Variants in NXPH1 observed in about 807,000 individuals in gnomAD.
The protein encoded by NXPH1 is neurexophilin 1.
A neutral mutation model predicts 23.7 loss-of-function variants in NXPH1; 5 were observed. The ratio of observed to expected loss-of-function variants is 0.21; its 90% CI spans 0.11 to 0.44. The LOEUF (loss-of-function observed/expected upper bound fraction) is 0.44. NXPH1 is among the 20% of genes least tolerant of loss of function. The pLI is 0.99. For synonymous variants in NXPH1, 144 were observed against 122.2 expected, an observed-to-expected ratio of 1.18 and a Z score of -1.18; for missense variants, 324 against 321.6, an observed-to-expected ratio of 1.01 and a Z score of -0.06.
chr7:8,724,222 C>T lies in NXPH1; in HGVS notation c.55-26786C>T, dbSNP rs141033444. Among the ~76,000 whole-genome samples, 5 of 152,256 alleles carry T rather than the reference C, an allele frequency of 3.3e-5. No homozygotes were observed. The East Asian group carries it at 9.7e-4, about 29-fold the overall frequency. On this transcript the variant is annotated intron_variant, in intron 2 of 2. Coordinates refer to ENST00000405863, the MANE Select transcript of NXPH1 (RefSeq NM_152745.3). ...TCCTGTCCATCTTTTTTCAAAGAGA[C>T]CTGGGACCCTTAGTGACACAATCCT...
chr7:8,451,918 G>A (rs1321169896), intron 2 of NXPH1, among the ~76,000 whole-genome samples: 1 of 152,200 alleles, frequency 6.6e-6, no homozygotes, highest in Non-Finnish European at 1.5e-5. Flanking sequence ...GGACTTGGGT[G>A]CATAGGGTTC....
intron 2 of NXPH1, among the ~76,000 whole-genome samples, chr7:8,716,887 C>T (rs1429904290): frequency 6.6e-6 from 1 of 152,188 alleles, no homozygotes; most frequent in African/African-American, 2.4e-5. Context: ...GTCTCTGGCC[C>T]TTCCCCCAGG....
chr7:8,745,821 C>T (rs1780461059), intron 2 of NXPH1, among the ~76,000 whole-genome samples: 1 of 148,988 alleles, frequency 6.7e-6, no homozygotes, highest in African/African-American at 2.5e-5. Flanking sequence ...CCTGCCTTGG[C>T]CTCCCAAAGT....
At chr7:8,573,252 A>G (rs1249131880) in intron 2 of NXPH1, among the ~76,000 whole-genome samples, 1 of 152,098 alleles carries the variant, frequency 6.6e-6, no homozygotes, top group African/African-American at 2.4e-5. Context: ...GATTTTCAAT[A>G]TAATTGTCTA....
rs1258697207 is a variant in NXPH1 at position 8,710,336 on chromosome 7, G to C, written c.55-40672G>C. ...GTCTCCAGGCAGCTGGGGCAAATGG[G>C]CCTCCTTGCCTATCTGGAAATCTTG... On this transcript the variant is annotated intron_variant, in intron 2 of 2. Transcript: ENST00000405863. 2.6e-5 allele frequency among the ~76,000 whole-genome samples: 4 copies of C among 152,292 alleles called. No homozygotes were observed. In the East Asian group the frequency reaches 7.7e-4, roughly 29 times the overall value.
At chr7:8,714,616 G>A (rs1779848715) in intron 2 of NXPH1, among the ~76,000 whole-genome samples, 2 of 152,144 alleles carry the variant, frequency 1.3e-5, no homozygotes, top group South Asian at 4.1e-4. Context: ...GGTTACTGCT[G>A]CTGGTTATTC....
At chr7:8,622,414 C>G (rs779709330) in intron 2 of NXPH1, among the ~76,000 whole-genome samples, 2 of 152,098 alleles carry the variant, frequency 1.3e-5, no homozygotes, top group Non-Finnish European at 2.9e-5. Flanking sequence ...AAGTCTAGTT[C>G]TTTCCCAACT....
At chr7:8,509,045 G>A (rs1191770707) in intron 2 of NXPH1, among the ~76,000 whole-genome samples, 1 of 152,050 alleles carries the variant, frequency 6.6e-6, no homozygotes, top group African/African-American at 2.4e-5. Flanking sequence ...GACCAAATTT[G>A]TCTGAAGGAG....
chr7:8,614,144 G>A (rs887550473), intron 2 of NXPH1, among the ~76,000 whole-genome samples: 8 of 151,726 alleles, frequency 5.3e-5, no homozygotes, highest in Non-Finnish European at 7.4e-5. Context: ...GTATTTCCGT[G>A]GATGTGCCAT....
chr7:8,518,252 T>A (rs896485274), intron 2 of NXPH1, among the ~76,000 whole-genome samples: 2 of 152,156 alleles, frequency 1.3e-5, no homozygotes, highest in African/African-American at 2.4e-5. Context: ...TTTTGCATTA[T>A]TCCTACCTGG....
At chr7:8,700,339 A>G (rs535263064) in intron 2 of NXPH1, among the ~76,000 whole-genome samples, 2 of 152,126 alleles carry the variant, frequency 1.3e-5, no homozygotes, top group Non-Finnish European at 2.9e-5. Flanking sequence ...AAATTAAATC[A>G]GGCTTCATTT....
intron 2 of NXPH1, among the ~76,000 whole-genome samples, chr7:8,543,401 A>G (rs1048060073): frequency 6.6e-6 from 1 of 151,642 alleles, no homozygotes; most frequent in African/African-American, 2.4e-5. Context: ...GATAATTACG[A>G]CTAAAGCAAT....
intron 2 of NXPH1, among the ~76,000 whole-genome samples, chr7:8,738,299 TG>T (rs1375903383): frequency 6.6e-6 from 1 of 152,226 alleles, no homozygotes; most frequent in Admixed American, 6.5e-5. Flanking sequence ...GACCTTTGGA[TG>T]GGGTTTCTGT....
chr7:8,461,238 A>G (rs1320395388), intron 2 of NXPH1, among the ~76,000 whole-genome samples: 2 of 152,134 alleles, frequency 1.3e-5, no homozygotes, highest in Non-Finnish European at 2.9e-5. Flanking sequence ...GTCACATTAC[A>G]TGGTTAGGAA....
intron 2 of NXPH1, among the ~76,000 whole-genome samples, chr7:8,475,709 T>C (rs1584180703): frequency 1.3e-5 from 2 of 152,170 alleles, no homozygotes; most frequent in Admixed American, 1.3e-4. Flanking sequence ...TGTTTTCTAA[T>C]TTTTAAAATC....
At chr7:8,553,101 G>A (rs1268618404) in intron 2 of NXPH1, among the ~76,000 whole-genome samples, 1 of 151,546 alleles carries the variant, frequency 6.6e-6, no homozygotes, top group African/African-American at 2.4e-5. Context: ...AGAATGAAAA[G>A]CAGTTTTTAG....
chr7:8,583,152 C>A (rs915056877), intron 2 of NXPH1, among the ~76,000 whole-genome samples: 5 of 152,224 alleles, frequency 3.3e-5, no homozygotes, highest in African/African-American at 1.2e-4. Context: ...TTCTTGCCCA[C>A]AAGGATATAA....
At chr7:8,598,417 G>A (rs76070802) in intron 2 of NXPH1, among the ~76,000 whole-genome samples, 9,855 of 152,110 alleles carry the variant, frequency 0.065, 473 homozygotes, top group East Asian at 0.19. Context: ...ACATAGACCT[G>A]GTTCCCTTCC....
intron 2 of NXPH1, among the ~76,000 whole-genome samples, chr7:8,492,874 A>C (rs6959225): frequency 0.3 from 45,128 of 151,946 alleles, 7,970 homozygotes; most frequent in African/African-American, 0.48. Context: ...TGGAAACTCT[A>C]TTTATTGATT....
Sources: gnomAD v4.1 joint callset for allele counts (sites outside exome capture counted in the v4.1 genomes callset) on GRCh38, gnomAD v4.1.1 for gene constraint, MANE v1.5 for transcripts, NCBI Gene and HGNC (gene_info 2026-07-23, HGNC 2026-07-21) for gene names.